The following USP24 variants were observed in gnomAD, a reference collection of about 807,000 sequenced individuals.
The protein encoded by USP24 is ubiquitin specific peptidase 24.
In USP24, 97 loss-of-function variants were observed where a neutral mutation model predicts 361.6. The observed-to-expected ratio is 0.27, with a 90% CI of 0.23 to 0.32. USP24 has a LOEUF of 0.32. Ranked by LOEUF, USP24 falls within the 10% of genes least tolerant of loss-of-function variation. The pLI is 1.00. For missense variants in USP24, 2,353 were observed against 3,165.6 expected, an observed-to-expected ratio of 0.74 and a Z score of 6.16; for synonymous variants, 1,098 against 1,124.6, an observed-to-expected ratio of 0.98 and a Z score of 0.47.
Position 55,162,280 on chromosome 1 carries a change from G to A in USP24, c.928-16C>T. 2.0e-6 allele frequency: 3 copies of A among 1,537,596 alleles called. No homozygotes were observed. The highest frequency in any genetic ancestry group is 2.4e-5 in the East Asian group (1 of 41,676). ...CTGAGACAGCCTGGAAAAAGACAGT[G>A]AAGATTAAAAATACATTTGAGAGGA... On this transcript the variant is annotated splice_polypyrimidine_tract_variant and intron_variant, in intron 7 of 67. Transcript: ENST00000294383.
At chr1:55,153,781 T>C in intron 16 of USP24, 89 bp downstream of exon 16, 2 of 1,186,120 alleles carry the variant, frequency 1.7e-6, no homozygotes, top group Middle Eastern at 4.9e-4. Context: ...CACTAAAACA[T>C]ACTATTATTT....
chr1:55,212,517 A>G (rs139267354), intron 1 of USP24, among the ~76,000 whole-genome samples: 3,129 of 152,276 alleles, frequency 0.021, 62 homozygotes, highest in Middle Eastern at 0.099. Context: ...AGGGCCTGAC[A>G]CCCTGTAGAT....
rs503495 is a variant in USP24, at chr1:55,095,123, T to G, written c.6203+132A>C. ...CCATGAAGCAATAAGGGATTTATTT[T>G]CTTTTTGGAATTCTTTTTAGAATTT... On this transcript the variant is annotated intron_variant, in intron 51 of 67. Coordinates refer to ENST00000294383, the MANE Select transcript of USP24 (RefSeq NM_015306.3). The G allele has an allele frequency of 2.1e-4, 241 of 1,141,496 alleles. No homozygotes were observed. The Middle Eastern group carries it at 2.3e-3, about 11-fold the overall frequency. The allele number at this position is 1,141,496 out of a possible 1,614,324, so 70.7% of individuals were successfully genotyped here.
At chr1:55,153,046 A>G (rs1312774533) in intron 16 of USP24, among the ~76,000 whole-genome samples, 2 of 152,206 alleles carry the variant, frequency 1.3e-5, no homozygotes, top group African/African-American at 4.8e-5. Flanking sequence ...ATAAAATGAA[A>G]ATCAGAAAGC....
intron 39 of USP24, 134 bp downstream of exon 39, chr1:55,110,051 A>C (rs1394545172): frequency 4.4e-6 from 3 of 687,464 alleles, no homozygotes; most frequent in African/African-American, 1.8e-5. Flanking sequence ...TTTTCAAGAA[A>C]ACAAGGTTCA....
chr1:55,097,213 A>G (rs761276381), intron 48 of USP24, 41 bp from the exon 49 acceptor site: 1 of 1,602,960 alleles, frequency 6.2e-7, no homozygotes, highest in South Asian at 1.1e-5. Flanking sequence ...TTGATTACTA[A>G]CATATACAGC....
intron 1 of USP24, among the ~76,000 whole-genome samples, chr1:55,198,732 T>C (rs745835225): frequency 3.3e-5 from 5 of 152,208 alleles, no homozygotes; most frequent in Non-Finnish European, 5.9e-5. Context: ...CCAAGATCTC[T>C]TCTGGCTCTA....
chr1:55,069,872 CAAAAAAA>C (rs11365818), intron 67 of USP24, among the ~76,000 whole-genome samples: 6 of 35,664 alleles, frequency 1.7e-4, no homozygotes, highest in Non-Finnish European at 2.2e-4. Flanking sequence ...CACTCCATCT[CAAAAAAA>C]AAAAAAAAAA....
intron 38 of USP24, among the ~76,000 whole-genome samples, chr1:55,119,998 G>C (rs1646232885): frequency 6.6e-6 from 1 of 152,160 alleles, no homozygotes; most frequent in Non-Finnish European, 1.5e-5. Context: ...CACAGTAGGG[G>C]CTGTGTGGTG....
At chr1:55,118,811 A>T (rs531831892) in intron 38 of USP24, among the ~76,000 whole-genome samples, 45 of 152,374 alleles carry the variant, frequency 3.0e-4, no homozygotes, top group Non-Finnish European at 2.6e-4. Flanking sequence ...GACGCTCAAC[A>T]TCAGTCATCA....
intron 28 of USP24, 51 bp downstream of exon 28, chr1:55,137,464 G>C: frequency 6.4e-7 from 1 of 1,572,028 alleles, no homozygotes; most frequent in South Asian, 1.2e-5. Context: ...AGAACAAAAA[G>C]ACAGTGACTG....
At chr1:55,108,765 T>G (rs1310477018) in intron 39 of USP24, among the ~76,000 whole-genome samples, 1 of 152,206 alleles carries the variant, frequency 6.6e-6, no homozygotes, top group African/African-American at 2.4e-5. Flanking sequence ...ATTCCTGTCC[T>G]TGCTGCAGAG....
rs1050078312 is a variant in USP24 at position 55,069,258 on chromosome 1, A to C, written c.7801-151T>G. Among the ~76,000 whole-genome samples, 3 of 152,390 alleles carry C rather than the reference A, an allele frequency of 2.0e-5. No individual in the cohort carries two copies. The East Asian group carries it at 5.8e-4, about 29-fold the overall frequency. ...TAAAATGTGATAACTATTACATCTAATATTTGACAATTCATGATTATGTAA... is the reference window on the plus strand; with the variant it reads ...TAAAATGTGATAACTATTACATCTACTATTTGACAATTCATGATTATGTAA... On this transcript the variant is annotated intron_variant, in intron 67 of 67. Transcript: ENST00000294383.
chr1:55,124,482 T>C lies in USP24; in HGVS notation c.4107A>G (p.Arg1369=), dbSNP rs1223171820. 3 of 1,611,888 alleles carry C rather than the reference T, an allele frequency of 1.9e-6. No homozygotes were observed. Among genetic ancestry groups the C allele is most frequent in the Admixed American group, 1.7e-5 (1 of 59,704 alleles). Residue 1369 remains arginine, a synonymous_variant, in exon 35 of 68, where the codon AGA becomes AGG. Transcript: ENST00000294383. ...NSLCPAGIRN[R]LSSSGSNCSS... is the part of the protein sequence containing the mutation. Reference sequence around the variant, plus strand: ...TTTAATCAGTACCTGAACTGCTGAGTCTGTTTCGAATTCCAGCAGGACACA... The same window carrying C: ...TTTAATCAGTACCTGAACTGCTGAGCCTGTTTCGAATTCCAGCAGGACACA...
chr1:55,169,893 G>A (rs1649280791), intron 5 of USP24, among the ~76,000 whole-genome samples: 1 of 152,086 alleles, frequency 6.6e-6, no homozygotes, highest in Non-Finnish European at 1.5e-5. Context: ...AAAATAAAGA[G>A]GTAATGAATC....
chr1:55,183,837 G>A (rs1305662065), intron 1 of USP24, among the ~76,000 whole-genome samples: 1 of 152,082 alleles, frequency 6.6e-6, no homozygotes, highest in Non-Finnish European at 1.5e-5. Flanking sequence ...ACAGGAGCTG[G>A]AATGGCTATA....
At chr1:55,103,771 T>A (rs961562104) in intron 42 of USP24, 105 bp downstream of exon 42, 1 of 1,294,682 alleles carries the variant, frequency 7.7e-7, no homozygotes, top group Admixed American at 2.7e-5. Flanking sequence ...AAAATAGTAA[T>A]ACTGACTTTC....
chr1:55,215,184 GGCGCACCCTCC>G lies in USP24; in HGVS notation c.-82_-72del. The G allele has an allele frequency of 3.4e-6, 4 of 1,175,100 alleles. No homozygotes were observed. The highest frequency in any genetic ancestry group is 4.2e-6 in the Non-Finnish European group (4 of 944,756). 72.8% of individuals were successfully genotyped at this position (1,175,100 alleles called of 1,614,324 possible). A position where few individuals can be genotyped will look rare whatever the true frequency, so the allele number is the denominator to read the frequency against. On this transcript the variant is annotated 5_prime_UTR_variant, in exon 1 of 68. Transcript: ENST00000294383. The stretch of plus-strand genomic sequence containing the variant: ...GGGTCCCGGGCCTGGCGGGCCGCGC[GGCGCACCCTCC>G]GCGCCGCCTCCGCGCCCAGGTTGGC...
chr1:55,087,008 AT>A (rs1645265200), intron 55 of USP24, among the ~76,000 whole-genome samples: 2 of 152,316 alleles, frequency 1.3e-5, no homozygotes, highest in Non-Finnish European at 1.5e-5. Flanking sequence ...CTATGAATTA[AT>A]TTTTTTACAA....
Sources: gnomAD v4.1 joint callset for allele counts (sites outside exome capture counted in the v4.1 genomes callset) on GRCh38, gnomAD v4.1.1 for gene constraint, MANE v1.5 for transcripts, NCBI Gene and HGNC (gene_info 2026-07-23, HGNC 2026-07-21) for gene names.